Variants in GRIN2B observed in about 807,000 individuals in gnomAD.
GRIN2B encodes the protein glutamate receptor ionotropic, NMDA 2B.
A neutral mutation model predicts 114.5 loss-of-function variants in GRIN2B; 5 were observed. The ratio of observed to expected loss-of-function variants is 0.04; its 90% CI spans 0.02 to 0.09. GRIN2B has a LOEUF of 0.09. GRIN2B is among the 10% of genes least tolerant of loss of function. GRIN2B has a pLI of 1.00. For synonymous variants in GRIN2B, 787 were observed against 745.1 expected (o/e 1.06, Z -0.92); for missense variants, 1,108 against 1,943.5 (o/e 0.57, Z 8.08).
chr12:13,752,053 A>G (rs1477192736), intron 4 of GRIN2B, among the ~76,000 whole-genome samples: 4 of 152,202 alleles, frequency 2.6e-5, no homozygotes, highest in African/African-American at 4.8e-5. Flanking sequence ...CACAGATATA[A>G]CTACTGTGAA....
chr12:13,734,593 A>C (rs1366690586), intron 4 of GRIN2B, among the ~76,000 whole-genome samples: 2 of 152,174 alleles, frequency 1.3e-5, no homozygotes, highest in Non-Finnish European at 2.9e-5. Context: ...CCCACCTTTT[A>C]TTTCTTTATG....
intron 3 of GRIN2B, among the ~76,000 whole-genome samples, chr12:13,803,753 G>T (rs895325639): frequency 2.3e-4 from 35 of 152,100 alleles, no homozygotes; most frequent in Admixed American, 1.3e-4. Context: ...TGGTGAGATG[G>T]GAAGGTGATG....
At chr12:13,736,639 C>G (rs4764031) in intron 4 of GRIN2B, among the ~76,000 whole-genome samples, 1 of 152,010 alleles carries the variant, frequency 6.6e-6, no homozygotes, top group Non-Finnish European at 1.5e-5. Context: ...CTCACTTACA[C>G]TATCAGTCAT....
intron 3 of GRIN2B, among the ~76,000 whole-genome samples, chr12:13,784,155 C>T (rs929833971): frequency 2.3e-5 from 3 of 131,632 alleles, no homozygotes; most frequent in East Asian, 2.6e-4. Context: ...ACCTGGGAGG[C>T]GGAGCTTGCA....
intron 4 of GRIN2B, among the ~76,000 whole-genome samples, chr12:13,749,722 A>G (rs1408394828): frequency 3.3e-5 from 5 of 152,134 alleles, no homozygotes; most frequent in Admixed American, 6.6e-5. Context: ...CTTGAACTGA[A>G]TGTGCCTAAT....
intron 10 of GRIN2B, among the ~76,000 whole-genome samples, chr12:13,604,599 C>A (rs1399495204): frequency 6.6e-6 from 1 of 152,152 alleles, no homozygotes; most frequent in African/African-American, 2.4e-5. Flanking sequence ...TCTTCAAAAT[C>A]ATCTCATTTC....
chr12:13,838,470 A>C (rs1865318072), intron 3 of GRIN2B, among the ~76,000 whole-genome samples: 2 of 152,164 alleles, frequency 1.3e-5, no homozygotes, highest in Non-Finnish European at 2.9e-5. Flanking sequence ...CTGCATTTTA[A>C]AAATAACTGA....
chr12:13,889,924 G>C (rs1035428056), intron 2 of GRIN2B, among the ~76,000 whole-genome samples: 8 of 152,318 alleles, frequency 5.3e-5, no homozygotes, highest in Non-Finnish European at 1.0e-4. Context: ...CAGCCTTGCT[G>C]CTCAGAGGAT....
rs1948604537 is a variant in GRIN2B at position 13,564,299 on chromosome 12, A to C, written c.2939T>G (p.Val980Gly). The C allele has an allele frequency of 6.2e-7, 1 of 1,614,042 alleles. No individual in the cohort carries two copies. Among genetic ancestry groups the C allele is most frequent in the African/African-American group, 1.3e-5 (1 of 74,918 alleles). ...FGNLQLKDSN[V>G]YQDHYHHHHR... ...GTGATGGTGGTAGTGATCTTGGTAC[A>C]CGTTGCTGTCCTTCAGCTGCAGGTT... Residue 980 changes from valine (V) to glycine (G), a missense_variant, in exon 14 of 14, where the codon GTG (valine) becomes GGG (glycine). Around this residue, in one of 19 missense-constraint regions of GRIN2B, gnomAD observed 140 missense variants for 187.5 expected, o/e 0.75. Coordinates refer to ENST00000609686, the MANE Select transcript of GRIN2B (RefSeq NM_000834.5). The surrounding 1 kb of genome is among the most constrained non-coding windows in gnomAD (Gnocchi z 4.8).
In GRIN2B at chr12:13,546,523, CTCT is replaced by C. The variant is rs1948345188; in HGVS notation, c.*16257_*16259del. On this transcript the variant is annotated 3_prime_UTR_variant, in exon 14 of 14. Coordinates refer to ENST00000609686, the MANE Select transcript of GRIN2B (RefSeq NM_000834.5). The stretch of plus-strand genomic sequence containing the variant: ...ACCAAACCATTCTACCCCAATTTCC[CTCT>C]TCTTTGTTTCTAGATTATTTTTTTT... The C allele has an allele frequency of 6.6e-6, 1 of 152,186 alleles. No individual in the cohort carries two copies. The highest frequency in any genetic ancestry group is 2.4e-5 in the African/African-American group (1 of 41,438). 9.4% of individuals were successfully genotyped at this position (152,186 alleles called of 1,614,324 possible). A position where few individuals can be genotyped will look rare whatever the true frequency, so the allele number is the denominator to read the frequency against.
chr12:13,591,704 T>C (rs1591626590), intron 10 of GRIN2B, among the ~76,000 whole-genome samples: 1 of 152,336 alleles, frequency 6.6e-6, no homozygotes, highest in Non-Finnish European at 1.5e-5. Context: ...TGATGTGGTT[T>C]CATGTGATTA....
intron 2 of GRIN2B, among the ~76,000 whole-genome samples, chr12:13,916,710 T>C (rs887025763): frequency 1.0e-5 from 1 of 100,258 alleles, no homozygotes; most frequent in African/African-American, 4.1e-5. Context: ...TACATATACA[T>C]ATACACACAC....
chr12:13,678,614 T>A (rs1023133040), intron 4 of GRIN2B, among the ~76,000 whole-genome samples: 2 of 152,068 alleles, frequency 1.3e-5, no homozygotes, highest in Admixed American at 6.6e-5. Flanking sequence ...ACATGTAGCA[T>A]CCCCAACACA....
chr12:13,631,235 C>A (rs1738932137), intron 5 of GRIN2B, among the ~76,000 whole-genome samples: 1 of 152,180 alleles, frequency 6.6e-6, no homozygotes, highest in Admixed American at 6.5e-5. Flanking sequence ...AGTCTCACAT[C>A]CTCCACTGAA....
At chr12:13,827,874 G>A (rs895078267) in intron 3 of GRIN2B, among the ~76,000 whole-genome samples, 6 of 152,188 alleles carry the variant, frequency 3.9e-5, no homozygotes, top group African/African-American at 1.4e-4. Flanking sequence ...TAGAAACAAG[G>A]TTTCCCTATA....
At chr12:13,876,019 C>T (rs1342293702) in intron 2 of GRIN2B, among the ~76,000 whole-genome samples, 1 of 152,032 alleles carries the variant, frequency 6.6e-6, no homozygotes, top group Non-Finnish European at 1.5e-5. Context: ...CCCAGTGCTA[C>T]CTAAGAGATC....
intron 4 of GRIN2B, among the ~76,000 whole-genome samples, chr12:13,687,242 A>G (rs897446157): frequency 6.6e-6 from 1 of 152,246 alleles, no homozygotes; most frequent in African/African-American, 2.4e-5. Flanking sequence ...CCTTTGCTGT[A>G]TCATCATTCT....
chr12:13,812,464 C>CT (rs71067728), intron 3 of GRIN2B, among the ~76,000 whole-genome samples: 46,788 of 151,304 alleles, frequency 0.31, 7,524 homozygotes, highest in Non-Finnish European at 0.34. Flanking sequence ...ATGTATTTAT[C>CT]TTTTTTTTTC....
At chr12:13,603,605 ATAT>A (rs1949195611) in intron 10 of GRIN2B, among the ~76,000 whole-genome samples, 1 of 151,898 alleles carries the variant, frequency 6.6e-6, no homozygotes, top group Admixed American at 6.6e-5. Flanking sequence ...CGCTGAAGTT[ATAT>A]TATTATTAAT....
Sources: gnomAD v4.1 joint callset for allele counts (sites outside exome capture counted in the v4.1 genomes callset) on GRCh38, gnomAD v4.1.1 for gene constraint, gnomAD v4.1.1 regional missense constraint, Gnocchi (gnomAD v3.1) non-coding constraint, MANE v1.5 for transcripts, NCBI Gene and HGNC (gene_info 2026-07-23, HGNC 2026-07-21) for gene names.